SLC25A26: variants seen among roughly 807,000 people sequenced by gnomAD.
The protein encoded by SLC25A26 is mitochondrial S-adenosylmethionine carrier protein.
SLC25A26 carries 36 observed loss-of-function variants against 37.8 expected under a neutral mutation model. The ratio of observed to expected loss-of-function variants is 0.95; its 90% CI spans 0.73 to 1.26. SLC25A26 has a LOEUF of 1.26. SLC25A26 is among the 50% of genes most tolerant of loss of function. The pLI, the probability that SLC25A26 is intolerant of heterozygous loss-of-function variation, is 0.00. For synonymous variants in SLC25A26, 129 were observed against 122.5 expected (o/e 1.05, Z -0.35); for missense variants, 390 against 331.1 (o/e 1.18, Z -1.38).
intron 5 of SLC25A26, among the ~76,000 whole-genome samples, chr3:66,309,629 C>T (rs908360599): frequency 1.3e-5 from 2 of 152,102 alleles, no homozygotes; most frequent in Non-Finnish European, 2.9e-5. Flanking sequence ...CCCACTTTCG[C>T]CTGTGTGCAT....
At chr3:66,346,715 CGTGTGTGTGTGTGTGT>C (rs34944870) in intron 6 of SLC25A26, among the ~76,000 whole-genome samples, 315 of 138,976 alleles carry the variant, frequency 2.3e-3, no homozygotes, top group Non-Finnish European at 3.0e-3. Flanking sequence ...TTGCTGTGTG[CGTGTGTGTGTGTGTGT>C]GTGTGTGTGT....
rs116077389 is a variant in SLC25A26, at chr3:66,141,793, C to T, written c.-354+7809C>T. ...GCCTCCCAAAGTACTGGATTACAGGCGTGGGCCACTGCGCCGGTCTTGAAT... is the reference window on the plus strand; with the variant it reads ...GCCTCCCAAAGTACTGGATTACAGGTGTGGGCCACTGCGCCGGTCTTGAAT... On this transcript the variant is annotated intron_variant, in intron 1 of 10. Transcript: ENST00000676754. 5.3e-3 allele frequency among the ~76,000 whole-genome samples: 805 copies of T among 152,308 alleles called. 9 individuals are homozygous for T. The highest frequency in any genetic ancestry group is 0.018 in the African/African-American group (741 of 41,568).
chr3:66,136,501 T>C (rs2069948934), intron 1 of SLC25A26, among the ~76,000 whole-genome samples: 2 of 152,242 alleles, frequency 1.3e-5, no homozygotes, highest in South Asian at 4.1e-4. Flanking sequence ...CTATTTCATT[T>C]CTAAAATGGT....
rs577928870 is a variant in SLC25A26, at chr3:66,167,982, C to T, written c.-354+33998C>T. Among the ~76,000 whole-genome samples the T allele has an allele frequency of 2.6e-5, 4 of 151,528 alleles. No homozygotes were observed. In the South Asian group the frequency reaches 6.3e-4, roughly 24 times the overall value. ...CAGCCTGACCAACATGGAGAAAGCC[C>T]GTCTCTACTAAAAATACAAAATTAG... On this transcript the variant is annotated intron_variant, in intron 1 of 10. Coordinates refer to the SLC25A26 transcript ENST00000676754.
At chr3:66,209,040 G>GTATGTGTATATATA (rs1325838750) in intron 1 of SLC25A26, among the ~76,000 whole-genome samples, 1 of 33,492 alleles carries the variant, frequency 3.0e-5, no homozygotes, top group African/African-American at 9.2e-5. Flanking sequence ...ATATAAAGGT[G>GTATGTGTATATATA]TATATATATA....
chr3:66,334,610 C>T (rs997777597), intron 5 of SLC25A26, among the ~76,000 whole-genome samples: 8 of 152,116 alleles, frequency 5.3e-5, no homozygotes, highest in Admixed American at 2.0e-4. Flanking sequence ...ATTACTGCGC[C>T]GGGCCCTGAG....
At chr3:66,320,082 T>C (rs2075654022) in intron 5 of SLC25A26, among the ~76,000 whole-genome samples, 1 of 152,196 alleles carries the variant, frequency 6.6e-6, no homozygotes, top group Non-Finnish European at 1.5e-5. Flanking sequence ...TTAATTAAAC[T>C]TGAGCTTTTT....
chr3:66,293,554 C>T (rs767504633), intron 5 of SLC25A26, among the ~76,000 whole-genome samples: 9 of 151,632 alleles, frequency 5.9e-5, no homozygotes, highest in East Asian at 1.9e-4. Context: ...CTCCACCGTC[C>T]GATAGGCTGC....
intron 5 of SLC25A26, among the ~76,000 whole-genome samples, chr3:66,295,674 A>G (rs1376057491): frequency 2.0e-5 from 3 of 151,252 alleles, no homozygotes; most frequent in Non-Finnish European, 4.4e-5. Context: ...GATTTTTTGT[A>G]TTTTTAATAG....
chr3:66,329,434 G>T (rs1193008701), intron 5 of SLC25A26, among the ~76,000 whole-genome samples: 1 of 152,182 alleles, frequency 6.6e-6, no homozygotes, highest in Non-Finnish European at 1.5e-5. Context: ...CCAGGAGCAA[G>T]TTGGAGTGTG....
chr3:66,278,828 T>C (rs1200359161), intron 5 of SLC25A26, among the ~76,000 whole-genome samples: 1 of 152,210 alleles, frequency 6.6e-6, no homozygotes, highest in Non-Finnish European at 1.5e-5. Context: ...TATACTTTCA[T>C]TGTACATTGT....
intron 1 of SLC25A26, among the ~76,000 whole-genome samples, chr3:66,182,302 T>C (rs146177856): frequency 0.16 from 23,732 of 152,134 alleles, 2,330 homozygotes; most frequent in South Asian, 0.27. Context: ...CAATTTGTTA[T>C]TTAGAAAAAT....
At chr3:66,292,904 C>T (rs114755312) in intron 5 of SLC25A26, among the ~76,000 whole-genome samples, 1,699 of 152,206 alleles carry the variant, frequency 0.011, 38 homozygotes, top group African/African-American at 0.039. Context: ...CCATTCTCCC[C>T]GTCACTTTGA....
chr3:66,174,541 G>T (rs1003016188), intron 1 of SLC25A26, among the ~76,000 whole-genome samples: 2 of 152,224 alleles, frequency 1.3e-5, no homozygotes, highest in African/African-American at 4.8e-5. Flanking sequence ...AGCACTTCGG[G>T]AGGCCGAGGT....
At position 66,261,848 on chromosome 3, in the gene SLC25A26, C is replaced by T. The variant is rs148111297; in HGVS notation, c.301-203C>T. Among the ~76,000 whole-genome samples, 592 of 151,500 alleles carry T rather than the reference C, an allele frequency of 3.9e-3. 4 individuals carry two copies. The highest frequency in any genetic ancestry group is 0.014 in the African/African-American group (570 of 41,240). Reference sequence around the variant, plus strand: ...GTGGCAGGATCTATATAGGACAAGCCAGGAAAGGTTCTGGGCTGACAAAAC... The same window carrying T: ...GTGGCAGGATCTATATAGGACAAGCTAGGAAAGGTTCTGGGCTGACAAAAC... On this transcript the variant is annotated intron_variant, in intron 3 of 9. Coordinates refer to ENST00000354883, the MANE Select transcript of SLC25A26 (RefSeq NM_001379210.1).
chr3:66,227,307 T>C (rs1553661108), intron 1 of SLC25A26, among the ~76,000 whole-genome samples: 1 of 152,268 alleles, frequency 6.6e-6, no homozygotes, highest in East Asian at 1.9e-4. Flanking sequence ...ATACCATTTA[T>C]GTCTGATTTT....
intron 1 of SLC25A26, among the ~76,000 whole-genome samples, chr3:66,186,946 A>T (rs1376818471): frequency 6.6e-6 from 1 of 151,878 alleles, no homozygotes; most frequent in Non-Finnish European, 1.5e-5. Flanking sequence ...ACTTGGCCCT[A>T]ACCTTATCAT....
intron 1 of SLC25A26, among the ~76,000 whole-genome samples, chr3:66,230,580 G>C (rs894013834): frequency 1.3e-5 from 2 of 151,588 alleles, no homozygotes; most frequent in African/African-American, 2.4e-5. Context: ...GAGGTGGGCG[G>C]ATCACCTGAG....
At chr3:66,296,621 G>A (rs2074910551) in intron 5 of SLC25A26, among the ~76,000 whole-genome samples, 1 of 152,148 alleles carries the variant, frequency 6.6e-6, no homozygotes, top group Non-Finnish European at 1.5e-5. Context: ...AGGTATCTAA[G>A]TAGTGAAGAT....
Sources: allele counts gnomAD v4.1 joint callset (sites outside exome capture counted in the v4.1 genomes callset), GRCh38; gene constraint gnomAD v4.1.1; transcripts MANE v1.5; gene names NCBI Gene and HGNC (gene_info 2026-07-23, HGNC 2026-07-21).